AGBL1: variants seen among roughly 807,000 people sequenced by gnomAD.
AGBL1 encodes the protein AGBL carboxypeptidase 1, also known as cytosolic carboxypeptidase 4.
Under a neutral mutation model 118.9 loss-of-function variants are expected in AGBL1, and 130 were observed. That is an observed-to-expected ratio of 1.09 (90% confidence interval 0.95 to 1.26). AGBL1 has a LOEUF of 1.26. AGBL1 is among the 50% of genes most tolerant of loss of function. The probability of loss-of-function intolerance (pLI) is 0.00; values close to 1 mark genes in which losing one functional copy is unlikely to be tolerated. For missense variants in AGBL1, 1,584 were observed against 1,298.1 expected, an observed-to-expected ratio of 1.22 and a Z score of -3.38; for synonymous variants, 555 against 478.9, an observed-to-expected ratio of 1.16 and a Z score of -2.08.
chr15:86,462,180 G>A (rs1164449242), intron 18 of AGBL1, among the ~76,000 whole-genome samples: 2 of 152,174 alleles, frequency 1.3e-5, no homozygotes, highest in Non-Finnish European at 2.9e-5. Flanking sequence ...TTTCCAGAAA[G>A]CGTATGACCT....
chr15:86,198,607 T>C (rs775652474), intron 5 of AGBL1, among the ~76,000 whole-genome samples: 8 of 152,122 alleles, frequency 5.3e-5, no homozygotes, highest in Non-Finnish European at 1.2e-4. Flanking sequence ...AATTAGATCA[T>C]AAGGGTGAGA....
In AGBL1 at chr15:86,690,885, CAAGAT is replaced by C. The variant is rs1365016773; in HGVS notation, c.3158+16453_3158+16457del. ...ATTAGTAGAATGAAACTGCAGGTGA[CAAGAT>C]AAGCTTGTCTAATTTATTTATTTAT... On this transcript the variant is annotated intron_variant, in intron 22 of 22. Coordinates refer to ENST00000614907, the MANE Select transcript of AGBL1 (RefSeq NM_001386094.1). Among the ~76,000 whole-genome samples, 3 of 152,132 alleles carry C rather than the reference CAAGAT, an allele frequency of 2.0e-5. No homozygotes were observed. The East Asian group carries it at 5.8e-4, about 29-fold the overall frequency.
chr15:86,633,669 G>C (rs1596323539), intron 21 of AGBL1, among the ~76,000 whole-genome samples: 1 of 151,636 alleles, frequency 6.6e-6, no homozygotes, highest in African/African-American at 2.4e-5. Context: ...GGAAAAAAAT[G>C]TTAGAACTTC....
intron 21 of AGBL1, among the ~76,000 whole-genome samples, chr15:86,582,654 A>G (rs2084186472): frequency 6.6e-6 from 1 of 152,174 alleles, no homozygotes; most frequent in Non-Finnish European, 1.5e-5. Flanking sequence ...AATGTGGCAC[A>G]TATACACCAT....
At chr15:86,598,262 C>T (rs1032317168) in intron 21 of AGBL1, among the ~76,000 whole-genome samples, 1 of 152,086 alleles carries the variant, frequency 6.6e-6, no homozygotes, top group African/African-American at 2.4e-5. Flanking sequence ...GCATTTAAAA[C>T]TCTGAGTAGA....
At chr15:86,725,256 T>C (rs143459141) in intron 22 of AGBL1, among the ~76,000 whole-genome samples, 1 of 152,370 alleles carries the variant, frequency 6.6e-6, no homozygotes, top group African/African-American at 2.4e-5. Flanking sequence ...GGTTCTCATG[T>C]ATTTCCAAGA....
In AGBL1 at chr15:86,838,422, A is replaced by G. The variant is rs565178054; in HGVS notation, c.3159-68665A>G. Among the ~76,000 whole-genome samples, 15 of 152,102 alleles carry G rather than the reference A, an allele frequency of 9.9e-5. No individual in the cohort carries two copies. In the South Asian group the frequency reaches 2.5e-3, roughly 25 times the overall value. ...GTGGAAAGGCTGGACATTAGATTAC[A>G]TTTTTTCAACCATTTCGTATTTCTG... On this transcript the variant is annotated intron_variant, in intron 22 of 22. Transcript: ENST00000614907.
At chr15:86,854,083 A>C (rs1034877226) in intron 22 of AGBL1, among the ~76,000 whole-genome samples, 2 of 152,160 alleles carry the variant, frequency 1.3e-5, no homozygotes, top group African/African-American at 4.8e-5. Context: ...AGTTGCAATA[A>C]CACAAATCTA....
At chr15:86,678,900 C>T (rs1596362159) in intron 22 of AGBL1, among the ~76,000 whole-genome samples, 1 of 152,010 alleles carries the variant, frequency 6.6e-6, no homozygotes, top group African/African-American at 2.4e-5. Flanking sequence ...ATAGTATATA[C>T]ACATGCATAT....
At chr15:86,213,407 C>G (rs1042444386) in intron 5 of AGBL1, among the ~76,000 whole-genome samples, 1 of 152,168 alleles carries the variant, frequency 6.6e-6, no homozygotes, top group African/African-American at 2.4e-5. Context: ...ATTCCTAGAC[C>G]ATAGCATTAG....
chr15:86,129,407 A>C (rs1267582503), intron 1 of AGBL1, among the ~76,000 whole-genome samples: 1 of 152,202 alleles, frequency 6.6e-6, no homozygotes, highest in East Asian at 1.9e-4. Flanking sequence ...GGCTCCATAA[A>C]GCTCCAAGCC....
At chr15:86,894,500 A>G (rs1408219816) in intron 22 of AGBL1, among the ~76,000 whole-genome samples, 1 of 152,160 alleles carries the variant, frequency 6.6e-6, no homozygotes, top group Non-Finnish European at 1.5e-5. Context: ...TGCTGCCCTT[A>G]GAAGAAGGTT....
intron 18 of AGBL1, among the ~76,000 whole-genome samples, chr15:86,472,299 T>C (rs538743615): frequency 1.3e-5 from 2 of 152,342 alleles, no homozygotes; most frequent in South Asian, 4.1e-4. Context: ...GCTTTGGTGA[T>C]TACAAGACCT....
intron 15 of AGBL1, among the ~76,000 whole-genome samples, chr15:86,278,512 A>G (rs190204762): frequency 1.3e-3 from 192 of 150,818 alleles, no homozygotes; most frequent in African/African-American, 4.4e-3. Context: ...TTCCATGCTT[A>G]CTTTTTGCTT....
chr15:86,722,397 G>A (rs1424095254), intron 22 of AGBL1, among the ~76,000 whole-genome samples: 1 of 152,136 alleles, frequency 6.6e-6, no homozygotes, highest in African/African-American at 2.4e-5. Context: ...AGAAAAACAA[G>A]CAATGGGGAA....
chr15:87,010,517 A>G (rs1317075786), intron 24 of AGBL1, among the ~76,000 whole-genome samples: 1 of 152,192 alleles, frequency 6.6e-6, no homozygotes, highest in Non-Finnish European at 1.5e-5. Context: ...GGAAAGGTGA[A>G]TTCACTCTTT....
At position 86,147,621 on chromosome 15, in the gene AGBL1, G is replaced by C. The variant is rs377152511; in HGVS notation, c.262+3776G>C. On this transcript the variant is annotated intron_variant, in intron 3 of 22. Coordinates refer to ENST00000614907, the MANE Select transcript of AGBL1 (RefSeq NM_001386094.1). ...AAAGCCGGGAAGCTCCAACTGGGTA[G>C]AGCCCACCATAGCTCTTCAAGGCCT... is the stretch of plus-strand genomic sequence containing the variant. Among the ~76,000 whole-genome samples, 10 of 152,306 alleles carry C rather than the reference G, an allele frequency of 6.6e-5. No individual in the cohort carries two copies. In the East Asian group the frequency reaches 1.7e-3, roughly 26 times the overall value.
At chr15:86,314,915 ATCTCGATTTTCTGAAT>A (rs2079977584) in intron 17 of AGBL1, among the ~76,000 whole-genome samples, 1 of 152,212 alleles carries the variant, frequency 6.6e-6, no homozygotes, top group African/African-American at 2.4e-5. Flanking sequence ...TGGATTGGAA[ATCTCGATTTTCTGAAT>A]TTTGGAAAGT....
chr15:86,750,003 A>G (rs952185300), intron 22 of AGBL1, among the ~76,000 whole-genome samples: 39 of 152,146 alleles, frequency 2.6e-4, no homozygotes, highest in Non-Finnish European at 4.7e-4. Context: ...AGGCTTTGGT[A>G]TCAGGATGAT....
Sources: allele counts gnomAD v4.1 joint callset (sites outside exome capture counted in the v4.1 genomes callset), GRCh38; gene constraint gnomAD v4.1.1; transcripts MANE v1.5; gene names NCBI Gene and HGNC (gene_info 2026-07-23, HGNC 2026-07-21).